Variants in GABRA2 observed in about 807,000 individuals in gnomAD.
GABRA2 encodes gamma-aminobutyric acid receptor subunit alpha-2.
In GABRA2, 16 loss-of-function variants were observed where a neutral mutation model predicts 48.7. The observed-to-expected ratio is 0.33, with a 90% CI of 0.22 to 0.50. The LOEUF (loss-of-function observed/expected upper bound fraction) is 0.50, where lower values mean the gene tolerates loss of function less well. Among genes scored for constraint, GABRA2 ranks in the 20% least tolerant of loss-of-function variants. The probability of loss-of-function intolerance (pLI) is 0.98; values close to 1 mark genes in which losing one functional copy is unlikely to be tolerated. For synonymous variants in GABRA2, 185 were observed against 184.5 expected (o/e 1.00, Z -0.02); for missense variants, 275 against 535.6 (o/e 0.51, Z 4.80).
chr4:46,346,383 A>G (rs1370826778), intron 3 of GABRA2, among the ~76,000 whole-genome samples: 1 of 151,782 alleles, frequency 6.6e-6, no homozygotes, highest in African/African-American at 2.4e-5. Context: ...GGGTCCATAA[A>G]GGCGGGAAGA....
At chr4:46,308,028 T>A (rs73131392) in intron 6 of GABRA2, among the ~76,000 whole-genome samples, 4,986 of 152,254 alleles carry the variant, frequency 0.033, 283 homozygotes, top group African/African-American at 0.11. Context: ...TTAAATAATC[T>A]TGTTTGTGTT....
chr4:46,327,177 TTATAA>T (rs1183510917), intron 4 of GABRA2, among the ~76,000 whole-genome samples: 1 of 151,946 alleles, frequency 6.6e-6, no homozygotes, highest in Non-Finnish European at 1.5e-5. Flanking sequence ...TTCACCAATC[TTATAA>T]TATATTTGTG....
chr4:46,317,020 G>A (rs1017450149), intron 4 of GABRA2, among the ~76,000 whole-genome samples: 1 of 151,970 alleles, frequency 6.6e-6, no homozygotes, highest in African/African-American at 2.4e-5. Flanking sequence ...AACTCTCAGT[G>A]AGAGGGCACT....
chr4:46,389,655 G>C, intron 1 of GABRA2, 80 bp downstream of exon 1: 1 of 813,088 alleles, frequency 1.2e-6, no homozygotes, highest in South Asian at 5.5e-5. Context: ...TGAAAGTGGG[G>C]TGGGGGGAGA....
chr4:46,374,518 T>A (rs1715391996), intron 3 of GABRA2, among the ~76,000 whole-genome samples: 1 of 152,114 alleles, frequency 6.6e-6, no homozygotes, highest in Middle Eastern at 3.2e-3. Flanking sequence ...TTTTTATACC[T>A]TCTTCAACTT....
chr4:46,332,502 A>C (rs1004963874), intron 4 of GABRA2, 113 bp downstream of exon 4: 5 of 653,686 alleles, frequency 7.6e-6, no homozygotes. Flanking sequence ...GAGTAGACTA[A>C]ATAGACATGA....
intron 4 of GABRA2, among the ~76,000 whole-genome samples, chr4:46,322,706 T>C (rs1009386965): frequency 1.3e-5 from 2 of 151,952 alleles, no homozygotes; most frequent in African/African-American, 4.8e-5. Flanking sequence ...TAAACAATAC[T>C]TTGCCCATGA....
intron 3 of GABRA2, among the ~76,000 whole-genome samples, chr4:46,372,958 G>A (rs903167877): frequency 6.6e-6 from 1 of 152,070 alleles, no homozygotes; most frequent in Non-Finnish European, 1.5e-5. Context: ...ATGTGCACCT[G>A]CCCAATTTCC....
intron 3 of GABRA2, chr4:46,364,731 T>C (rs1229151633): frequency 6.6e-6 from 1 of 152,234 alleles, no homozygotes; most frequent in African/African-American, 2.4e-5. Context: ...TCCTGGACTT[T>C]TCTGTCTCTG....
chr4:46,274,612 G>A (rs526752), intron 8 of GABRA2, among the ~76,000 whole-genome samples: 93,294 of 151,786 alleles, frequency 0.61, 29,167 homozygotes, highest in South Asian at 0.76. Context: ...CTGCAAAAGG[G>A]AAATGATATT....
chr4:46,307,013 C>T (rs1479149180), intron 6 of GABRA2, among the ~76,000 whole-genome samples: 1 of 152,032 alleles, frequency 6.6e-6, no homozygotes, highest in Non-Finnish European at 1.5e-5. Context: ...ATTATCACTA[C>T]ATATATAGTC....
At chr4:46,277,528 C>T (rs1720727490) in intron 8 of GABRA2, among the ~76,000 whole-genome samples, 1 of 152,142 alleles carries the variant, frequency 6.6e-6, no homozygotes, top group Non-Finnish European at 1.5e-5. Flanking sequence ...CTTACTTTTC[C>T]AATTAAAACC....
At chr4:46,259,496 A>G (rs1430257922) in intron 9 of GABRA2, among the ~76,000 whole-genome samples, 1 of 151,900 alleles carries the variant, frequency 6.6e-6, no homozygotes, top group Non-Finnish European at 1.5e-5. Context: ...TGCAAAAACT[A>G]AATTTAAGTA....
chr4:46,288,434 C>T (rs949766466), intron 8 of GABRA2, among the ~76,000 whole-genome samples: 2 of 152,012 alleles, frequency 1.3e-5, no homozygotes, highest in Admixed American at 6.6e-5. Context: ...ACTTGATCTT[C>T]GACAAACCTG....
intron 9 of GABRA2, 30 bp downstream of exon 9, chr4:46,261,896 A>C: frequency 1.3e-6 from 2 of 1,561,294 alleles, no homozygotes; most frequent in Non-Finnish European, 1.8e-6. Flanking sequence ...GTATTTTCTT[A>C]ATAATGATAA....
intron 8 of GABRA2, among the ~76,000 whole-genome samples, chr4:46,279,170 G>A (rs562448470): frequency 5.9e-5 from 9 of 152,048 alleles, no homozygotes; most frequent in South Asian, 4.2e-4. Flanking sequence ...TTTTCTGTCC[G>A]ATATCTATTA....
chr4:46,269,551 T>C (rs946595998), intron 8 of GABRA2, among the ~76,000 whole-genome samples: 2 of 151,892 alleles, frequency 1.3e-5, no homozygotes, highest in African/African-American at 2.4e-5. Flanking sequence ...TAATTCAATT[T>C]GAATGAAAAT....
intron 3 of GABRA2, among the ~76,000 whole-genome samples, chr4:46,357,720 G>A (rs1736234812): frequency 6.8e-6 from 1 of 147,948 alleles, no homozygotes; most frequent in Non-Finnish European, 1.5e-5. Context: ...GAGTGCAGTG[G>A]TGCAATCTCA....
At chr4:46,299,394 G>A (rs1319766107) in intron 8 of GABRA2, among the ~76,000 whole-genome samples, 4 of 151,608 alleles carry the variant, frequency 2.6e-5, no homozygotes, top group African/African-American at 4.8e-5. Context: ...CCCATCAAAT[G>A]TGGTCTGCAA....
Sources: gnomAD v4.1 joint callset for allele counts (sites outside exome capture counted in the v4.1 genomes callset) on GRCh38, gnomAD v4.1.1 for gene constraint, MANE v1.5 for transcripts, NCBI Gene and HGNC (gene_info 2026-07-23, HGNC 2026-07-21) for gene names.